The following PTPRD variants were observed in gnomAD, a reference collection of about 807,000 sequenced individuals.
PTPRD encodes receptor-type tyrosine-protein phosphatase delta.
Under a neutral mutation model 214.5 loss-of-function variants are expected in PTPRD, and 34 were observed. That is an observed-to-expected ratio of 0.16 (90% CI 0.12 to 0.21). The LOEUF is 0.21. PTPRD is among the 10% of genes least tolerant of loss of function. The probability of loss-of-function intolerance (pLI) is 1.00; values close to 1 mark genes in which losing one functional copy is unlikely to be tolerated. For missense variants in PTPRD, 2,545 were observed against 2,398.7 expected (o/e 1.06, Z -1.27); for synonymous variants, 1,128 against 845.7 (o/e 1.33, Z -5.79).
At chr9:10,516,588 T>G (rs1043898654) in intron 2 of PTPRD, among the ~76,000 whole-genome samples, 2 of 151,996 alleles carry the variant, frequency 1.3e-5, no homozygotes, top group African/African-American at 2.4e-5. Context: ...GTAGACATAC[T>G]TGTTTATTTT....
intron 3 of PTPRD, among the ~76,000 whole-genome samples, chr9:10,056,764 T>G (rs1287795069): frequency 6.6e-6 from 1 of 152,152 alleles, no homozygotes; most frequent in East Asian, 1.9e-4. Flanking sequence ...ACATTCTCCC[T>G]ATGTATGGGT....
chr9:9,315,537 G>C (rs1962299332), intron 9 of PTPRD, among the ~76,000 whole-genome samples: 1 of 151,866 alleles, frequency 6.6e-6, no homozygotes, highest in African/African-American at 2.4e-5. Context: ...TTTTGAAATA[G>C]GGCTGAGTGA....
In PTPRD at chr9:8,951,020, G is replaced by T. The variant is rs78205068; in HGVS notation, c.-104+67677C>A. Among the ~76,000 whole-genome samples, 582 of 152,134 alleles carry T rather than the reference G, an allele frequency of 3.8e-3. 4 individuals carry two copies. The highest frequency in any genetic ancestry group is 0.014 in the African/African-American group (565 of 41,524). On this transcript the variant is annotated intron_variant, in intron 11 of 45. Transcript: ENST00000381196. ...AAGCTGGAAGAGTTCATTATTTAAA[G>T]ATATGTTTTTGGAATCCTTTTAGTA...
intron 4 of PTPRD, among the ~76,000 whole-genome samples, chr9:9,959,851 T>C (rs1032335368): frequency 1.3e-5 from 2 of 152,160 alleles, no homozygotes; most frequent in Admixed American, 6.5e-5. Context: ...TTGTGATGGA[T>C]TAGAGTTGTA....
chr9:10,474,797 G>T (rs535825575), intron 2 of PTPRD, among the ~76,000 whole-genome samples: 1 of 152,194 alleles, frequency 6.6e-6, no homozygotes, highest in East Asian at 1.9e-4. Context: ...TCAGACCACA[G>T]TGCAATCAAA....
At chr9:9,210,274 C>T (rs1292155973) in intron 9 of PTPRD, among the ~76,000 whole-genome samples, 1 of 152,026 alleles carries the variant, frequency 6.6e-6, no homozygotes, top group South Asian at 2.1e-4. Flanking sequence ...CTCTTCAAAA[C>T]GAATCTGAAA....
At chr9:10,461,999 G>C (rs2098962502) in intron 2 of PTPRD, among the ~76,000 whole-genome samples, 1 of 152,126 alleles carries the variant, frequency 6.6e-6, no homozygotes, top group Non-Finnish European at 1.5e-5. Flanking sequence ...ACCAGGGTCA[G>C]GCTGTGGGAG....
intron 9 of PTPRD, among the ~76,000 whole-genome samples, chr9:9,201,110 G>C (rs887068959): frequency 1.3e-5 from 2 of 152,126 alleles, no homozygotes; most frequent in Non-Finnish European, 2.9e-5. Context: ...TGGTTTATTT[G>C]ACTACAAACA....
chr9:8,326,946 CT>C (rs1217804673), intron 44 of PTPRD, among the ~76,000 whole-genome samples: 1 of 146,632 alleles, frequency 6.8e-6, no homozygotes, highest in East Asian at 2.1e-4. Context: ...AGTCTTCTGT[CT>C]TTTCTATCTA....
intron 9 of PTPRD, among the ~76,000 whole-genome samples, chr9:9,241,795 T>C (rs182857840): frequency 6.1e-4 from 92 of 151,990 alleles, no homozygotes; most frequent in African/African-American, 2.1e-3. Flanking sequence ...TGACTCTTTA[T>C]CCAATTTGCC....
intron 11 of PTPRD, among the ~76,000 whole-genome samples, chr9:8,766,386 A>G (rs2154480381): frequency 6.6e-6 from 1 of 152,100 alleles, no homozygotes; most frequent in Non-Finnish European, 1.5e-5. Context: ...CTGAGATGGG[A>G]CGGCATATTC....
intron 2 of PTPRD, among the ~76,000 whole-genome samples, chr9:10,458,873 A>G (rs1588630247): frequency 6.6e-6 from 1 of 151,960 alleles, no homozygotes; most frequent in East Asian, 1.9e-4. Flanking sequence ...ACATCATATC[A>G]TTTCTTTTAT....
At chr9:10,058,900 C>T (rs1231831213) in intron 3 of PTPRD, among the ~76,000 whole-genome samples, 1 of 152,072 alleles carries the variant, frequency 6.6e-6, no homozygotes, top group Non-Finnish European at 1.5e-5. Flanking sequence ...ATAACCTTAA[C>T]TGAGACAGCA....
chr9:9,247,298 A>C (rs1047032578), intron 9 of PTPRD, among the ~76,000 whole-genome samples: 1 of 152,050 alleles, frequency 6.6e-6, no homozygotes, highest in Non-Finnish European at 1.5e-5. Context: ...GTCTATTACT[A>C]TTAGATCATT....
chr9:9,790,616 T>C (rs1321231519), intron 5 of PTPRD, among the ~76,000 whole-genome samples: 1 of 152,202 alleles, frequency 6.6e-6, no homozygotes, highest in Non-Finnish European at 1.5e-5. Context: ...TAAGTTTTGA[T>C]CAATTATTAA....
intron 7 of PTPRD, among the ~76,000 whole-genome samples, chr9:9,719,196 C>T (rs1420348968): frequency 6.6e-6 from 1 of 152,160 alleles, no homozygotes; most frequent in Non-Finnish European, 1.5e-5. Context: ...GACCTGCCTG[C>T]AGATAGGAGC....
intron 35 of PTPRD, among the ~76,000 whole-genome samples, chr9:8,425,689 A>G (rs534008185): frequency 1.3e-5 from 2 of 151,796 alleles, no homozygotes; most frequent in East Asian, 1.9e-4. Context: ...TGTTTCTCCT[A>G]GAAGACTATG....
chr9:9,084,469 G>A (rs1388958212), intron 10 of PTPRD, among the ~76,000 whole-genome samples: 1 of 152,052 alleles, frequency 6.6e-6, no homozygotes, highest in Non-Finnish European at 1.5e-5. Context: ...AGGTTGATGG[G>A]TTCAGCAAAC....
chr9:8,720,624 A>G (rs575228128), intron 12 of PTPRD, among the ~76,000 whole-genome samples: 37 of 152,354 alleles, frequency 2.4e-4, no homozygotes, highest in Middle Eastern at 3.4e-3. Flanking sequence ...CTAATAAAAG[A>G]ATGGAAATCA....
Sources: gnomAD v4.1 joint callset for allele counts (sites outside exome capture counted in the v4.1 genomes callset) on GRCh38, gnomAD v4.1.1 for gene constraint, MANE v1.5 for transcripts, NCBI Gene and HGNC (gene_info 2026-07-23, HGNC 2026-07-21) for gene names.